Variants in PLEC observed in about 807,000 individuals in gnomAD.
PLEC encodes hemidesmosomal protein 1.
Under a neutral mutation model 392.8 loss-of-function variants are expected in PLEC, and 216 were observed. That is an observed-to-expected ratio of 0.55 (90% confidence interval 0.49 to 0.62). PLEC has a LOEUF of 0.62. Among genes scored for constraint, PLEC ranks in the 20% least tolerant of loss-of-function variants. The probability of loss-of-function intolerance (pLI) is 0.00; values close to 1 mark genes in which losing one functional copy is unlikely to be tolerated. For synonymous variants in PLEC, 3,621 were observed against 2,980.6 expected, an observed-to-expected ratio of 1.21 and a Z score of -7.00; for missense variants, 6,863 against 6,563.4, an observed-to-expected ratio of 1.05 and a Z score of -1.58.
upstream of PLEC, among the ~76,000 whole-genome samples, chr8:143,955,668 C>T (rs974616299): frequency 7.3e-5 from 11 of 150,406 alleles, no homozygotes; most frequent in South Asian, 2.1e-4. Context: ...GGCTCAATCA[C>T]GGCTCACAGC....
In PLEC at chr8:143,923,990, T is replaced by C. The variant is rs1554695121; in HGVS notation, c.5939A>G (p.Glu1980Gly). Residue 1980 changes from glutamate to glycine, a missense_variant, in exon 31 of 32, where the codon GAG becomes GGG. By Grantham distance (98) the Glu-to-Gly change is moderately conservative (BLOSUM62 -2). Transcript: ENST00000345136. Reference sequence around the variant, plus strand: ...CTCCTCAGCCTCACGGCGCCGCCGCTCCTCCTCCGCCGCCAGCTGCCGCTG... The same window carrying C: ...CTCCTCAGCCTCACGGCGCCGCCGCCCCTCCTCCGCCGCCAGCTGCCGCTG... ...ARQRQLAAEE[E>G]RRRREAEERV... 1 of 1,585,140 alleles carries C rather than the reference T, an allele frequency of 6.3e-7. No homozygotes were observed. Among genetic ancestry groups the C allele is most frequent in the South Asian group, 1.1e-5 (1 of 89,806 alleles).
At chr8:143,946,050 G>A (rs1210351226) in intron 1 of PLEC, among the ~76,000 whole-genome samples, 1 of 152,254 alleles carries the variant, frequency 6.6e-6, no homozygotes, top group African/African-American at 2.4e-5. Flanking sequence ...GCCACGTGCT[G>A]GGGAAGCCTC....
At chr8:143,940,277 C>T (rs782629415), upstream of PLEC, among the ~76,000 whole-genome samples, 5 of 152,200 alleles carry the variant, frequency 3.3e-5, no homozygotes, top group Non-Finnish European at 4.4e-5. Context: ...CACCTCACGT[C>T]GGAGGCGCGT....
chr8:143,921,018 C>T lies in PLEC; in HGVS notation c.8803G>A (p.Ala2935Thr), dbSNP rs1554683755. The T allele has an allele frequency of 1.2e-6, 2 of 1,613,182 alleles. No individual in the cohort carries two copies. Among genetic ancestry groups the T allele is most frequent in the Non-Finnish European group, 1.7e-6 (2 of 1,180,030 alleles). ...WEIINSEYFT[A>T]EQRRDLLRQF... ...CGCAGCAGGTCCCGCCGCTGCTCTG[C>T]CGTGAAGTATTCCGAGTTGATGATC... is the stretch of plus-strand genomic sequence containing the variant. Residue 2935 changes from alanine to threonine, a missense_variant, in exon 32 of 32, where the codon GCA (alanine) becomes ACA (threonine). Physicochemically the swap from Ala to Thr is moderately conservative, Grantham distance 58 (BLOSUM62 0). Transcript: ENST00000345136.
At position 143,960,126 on chromosome 8, in the gene PLEC, T is replaced by C. The variant is rs563135786; in HGVS notation, c.70+13277A>G. The stretch of plus-strand genomic sequence containing the variant: ...GGAGAAACCCTGTCTCTACTAAAAA[T>C]ACAAAATTAGCTGGGCATGGTGGTG... On this transcript the variant is annotated intron_variant, in intron 1 of 31. Transcript: ENST00000356346. 4.0e-5 allele frequency among the ~76,000 whole-genome samples: 6 copies of C among 151,602 alleles called. No homozygotes were observed. In the South Asian group the frequency reaches 1.2e-3, roughly 32 times the overall value.
intron 1 of PLEC, 147 bp downstream of exon 1, chr8:143,939,203 G>A (rs1468554088): frequency 1.6e-5 from 18 of 1,140,798 alleles, no homozygotes; most frequent in Admixed American, 4.3e-5. Context: ...GGCCCACTCC[G>A]TGTTGGGTGG....
In PLEC at chr8:143,925,787, T is replaced by G. The variant is rs782521647; in HGVS notation, c.4142A>C (p.Gln1381Pro). Residue 1381 changes from glutamine to proline, a missense_variant, in exon 31 of 32, where the codon CAG (glutamine) becomes CCG (proline). Gln to Pro is a moderately conservative substitution (Grantham distance 76, BLOSUM62 -1). Coordinates refer to ENST00000345136, the MANE Select transcript of PLEC (RefSeq NM_201384.3). Reference sequence around the variant, plus strand: ...CTCCCGCTCCGCCTGTGCCTTTGCCTGGGCGTGCGCCTCGGCCAGCTGCCG... The same window carrying G: ...CTCCCGCTCCGCCTGTGCCTTTGCCGGGGCGTGCGCCTCGGCCAGCTGCCG... ...KQRQLAEAHA[Q>P]AKAQAEREAK... The G allele has an allele frequency of 6.3e-7, 1 of 1,582,886 alleles. No homozygotes were observed. The highest frequency in any genetic ancestry group is 8.5e-7 in the Non-Finnish European group (1 of 1,171,962).
chr8:143,958,498 T>C, upstream of PLEC: 1 of 318,904 alleles, frequency 3.1e-6, no homozygotes, highest in Non-Finnish European at 6.6e-6. This position sits in a 1 kb window ranked among gnomAD's most constrained non-coding sequence, Gnocchi z 4.9. Flanking sequence ...CAAATATCTC[T>C]CAAACCTGTC....
At chr8:143,940,465 G>A (rs1830242364), upstream of PLEC, among the ~76,000 whole-genome samples, 1 of 152,232 alleles carries the variant, frequency 6.6e-6, no homozygotes, top group Non-Finnish European at 1.5e-5. Flanking sequence ...GGTGCTGTTT[G>A]CAGCTGGGTG....
rs1211609658 is a variant in PLEC, at chr8:143,934,117, C to T, written c.1170-26G>A. 3 of 1,606,412 alleles carry T rather than the reference C, an allele frequency of 1.9e-6. No individual in the cohort carries two copies. The Admixed American group carries it at 5.0e-5, about 27-fold the overall frequency. On this transcript the variant is annotated intron_variant, in intron 11 of 31. Coordinates refer to ENST00000345136, the MANE Select transcript of PLEC (RefSeq NM_201384.3). ...CTGCAGCAGCAGCACAGGGAAGGGG[C>T]CGCGTTGGCCGGGTCCGGCACAGCC...
At chr8:143,954,159 C>T (rs1554738483), upstream of PLEC, among the ~76,000 whole-genome samples, 2 of 151,622 alleles carry the variant, frequency 1.3e-5, no homozygotes, top group Non-Finnish European at 1.5e-5. The surrounding 1 kb of genome is among the most constrained non-coding windows in gnomAD (Gnocchi z 4.6). Flanking sequence ...GACACACGTG[C>T]GAGGGCCTTG....
exon 1 of PLEC, chr8:143,950,583 C>T (rs782309099): frequency 8.1e-6 from 13 of 1,608,024 alleles, no homozygotes; most frequent in Middle Eastern, 3.3e-4. Context: ...TTGGTGACGC[C>T]GGGCACATGG....
In PLEC at chr8:143,928,629, G is replaced by A. The variant is rs1456889300; in HGVS notation, c.3260+474C>T. Among the ~76,000 whole-genome samples the A allele has an allele frequency of 7.9e-5, 10 of 126,144 alleles. No individual in the cohort carries two copies. The East Asian group carries it at 1.4e-3, about 17-fold the overall frequency. 82.8% of individuals were successfully genotyped at this position (126,144 alleles called of 152,430 possible). On this transcript the variant is annotated intron_variant, in intron 25 of 31. Transcript: ENST00000345136. ...GGTTTGCAACACAGGAAGAGGCGGC[G>A]GCCCTATCACTGTGCTGGTTCTGTG...
chr8:143,925,982 G>T, intron 30 of PLEC, 98 bp from the exon 31 acceptor site: 1 of 1,319,234 alleles, frequency 7.6e-7, no homozygotes, highest in Non-Finnish European at 1.1e-6. Context: ...CAGACAGCGC[G>T]GAGCAGGGGT....
chr8:143,922,566 G>C lies in PLEC; in HGVS notation c.7363C>G (p.Leu2455Val), dbSNP rs1586864155. The change falls in exon 31 of 32, where the codon CTG becomes GTG. Residue 2455 changes from leucine (L) to valine (V), a missense_variant. Physicochemically the swap from Leu to Val is conservative, Grantham distance 32 (BLOSUM62 1). Transcript: ENST00000345136. ...TGGAGCTTCTCCTTCTCACGCTCCA[G>C]CTCAGCGATGGCCTCCCGCAGGCGC... ...AERLREAIAE[L>V]EREKEKLQQE... 1 of 1,613,454 alleles carries C rather than the reference G, an allele frequency of 6.2e-7. No homozygotes were observed. Among genetic ancestry groups the C allele is most frequent in the Non-Finnish European group, 8.5e-7 (1 of 1,179,974 alleles).
At chr8:143,975,244 G>C, upstream of PLEC, 1 of 1,607,306 alleles carries the variant, frequency 6.2e-7, no homozygotes, top group Non-Finnish European at 8.5e-7. The surrounding 1 kb of genome is among the most constrained non-coding windows in gnomAD (Gnocchi z 9.9). Flanking sequence ...CGCCACCCCC[G>C]CTGCGCCGGC....
In PLEC at chr8:143,921,025, G is replaced by A. The variant is rs781940417; in HGVS notation, c.8796C>T (p.Tyr2932=). Reference sequence around the variant, plus strand: ...GGTCCCGCCGCTGCTCTGCCGTGAAGTATTCCGAGTTGATGATCTCCCAAA... The same window carrying A: ...GGTCCCGCCGCTGCTCTGCCGTGAAATATTCCGAGTTGATGATCTCCCAAA... ...VTIWEIINSE[Y]FTAEQRRDLL... Residue 2932 remains tyrosine, a synonymous_variant, in exon 32 of 32, where the codon TAC becomes TAT. Coordinates refer to ENST00000345136, the MANE Select transcript of PLEC (RefSeq NM_201384.3). The A allele has an allele frequency of 1.9e-6, 3 of 1,613,064 alleles. No individual in the cohort carries two copies. The highest frequency in any genetic ancestry group is 2.5e-6 in the Non-Finnish European group (3 of 1,180,038).
chr8:143,919,614 G>A lies in PLEC; in HGVS notation c.10207C>T (p.Arg3403Trp), dbSNP rs542488020. Residue 3403 changes from arginine to tryptophan, a missense_variant, in exon 32 of 32, where the codon CGG (arginine) becomes TGG (tryptophan). Arg to Trp is a moderately radical substitution (Grantham distance 101). Coordinates refer to ENST00000345136, the MANE Select transcript of PLEC (RefSeq NM_201384.3). ...TCGTGGACATACAGGCGCTGGTTCCGCACGGGGTCCACCAGGAAGCCAGTG... is the reference window on the plus strand; with the variant it reads ...TCGTGGACATACAGGCGCTGGTTCCACACGGGGTCCACCAGGAAGCCAGTG... ...AATGFLVDPV[R>W]NQRLYVHEAV... 166 of 1,586,000 alleles carry A rather than the reference G, an allele frequency of 1.0e-4. 4 individuals carry two copies. In the South Asian group the frequency reaches 1.4e-3, roughly 13 times the overall value.
At chr8:143,973,798 CCTGT>C (rs1833560792), upstream of PLEC, among the ~76,000 whole-genome samples, 1 of 151,756 alleles carries the variant, frequency 6.6e-6, no homozygotes, top group South Asian at 2.1e-4. This position sits in a 1 kb window ranked among gnomAD's most constrained non-coding sequence, Gnocchi z 5.6. Flanking sequence ...GCGGCCGCGA[CCTGT>C]CTGTTCCCCG....
Sources: allele counts gnomAD v4.1 joint callset (sites outside exome capture counted in the v4.1 genomes callset), GRCh38; gene constraint gnomAD v4.1.1; non-coding constraint Gnocchi (gnomAD v3.1); transcripts MANE v1.5; gene names NCBI Gene and HGNC (gene_info 2026-07-23, HGNC 2026-07-21).